The following STK39 variants were observed in gnomAD, a reference collection of about 807,000 sequenced individuals.
STK39 encodes the protein STE20/SPS1-related proline-alanine-rich protein kinase.
A neutral mutation model predicts 77.8 loss-of-function variants in STK39; 20 were observed. That is an observed-to-expected ratio of 0.26 (90% CI 0.18 to 0.37). STK39 has a LOEUF of 0.37. STK39 is among the 10% of genes least tolerant of loss of function. The pLI is 1.00. For synonymous variants in STK39, 246 were observed against 234.1 expected (o/e 1.05, Z -0.47); for missense variants, 479 against 656.5 (o/e 0.73, Z 2.95).
At chr2:168,143,864 C>G (rs1414298388) in intron 5 of STK39, among the ~76,000 whole-genome samples, 1 of 152,222 alleles carries the variant, frequency 6.6e-6, no homozygotes, top group African/African-American at 2.4e-5. Context: ...CTGATCCCAT[C>G]ACCTCCTTGG....
At chr2:168,118,181 C>G (rs1244805761) in intron 10 of STK39, among the ~76,000 whole-genome samples, 1 of 151,994 alleles carries the variant, frequency 6.6e-6, no homozygotes, top group African/African-American at 2.4e-5. Flanking sequence ...GGGAGCTTCT[C>G]TCAGCAAGTA....
At chr2:168,103,169 T>C (rs1318896883) in intron 10 of STK39, among the ~76,000 whole-genome samples, 1 of 152,170 alleles carries the variant, frequency 6.6e-6, no homozygotes, top group Non-Finnish European at 1.5e-5. Flanking sequence ...CATTCTGGAC[T>C]GCTGATGATG....
chr2:168,136,072 T>A (rs1048375524), intron 8 of STK39, among the ~76,000 whole-genome samples: 1 of 151,846 alleles, frequency 6.6e-6, no homozygotes, highest in Admixed American at 6.6e-5. Context: ...TCAAGATTAT[T>A]AAGAAATAAA....
At chr2:168,055,685 C>A (rs1685505485) in intron 14 of STK39, among the ~76,000 whole-genome samples, 1 of 152,202 alleles carries the variant, frequency 6.6e-6, no homozygotes, top group African/African-American at 2.4e-5. Context: ...AAAGTATGAA[C>A]AGCATCTAAT....
chr2:168,048,663 C>A (rs1305831850), intron 14 of STK39, among the ~76,000 whole-genome samples: 2 of 152,298 alleles, frequency 1.3e-5, no homozygotes, highest in South Asian at 2.1e-4. Context: ...AAACACTAAC[C>A]GAACCACTCA....
chr2:167,961,514 C>T (rs1320406503), intron 17 of STK39, among the ~76,000 whole-genome samples: 1 of 152,098 alleles, frequency 6.6e-6, no homozygotes, highest in Admixed American at 6.5e-5. Context: ...ACAAAACTGC[C>T]AAGTAGTCCA....
chr2:168,141,747 C>T (rs112692514), intron 5 of STK39, among the ~76,000 whole-genome samples: 3,136 of 152,290 alleles, frequency 0.021, 61 homozygotes, highest in African/African-American at 0.048. Flanking sequence ...CCCTGCAAAT[C>T]GCTCTCATAC....
chr2:168,169,531 G>T (rs1052575824), intron 2 of STK39, among the ~76,000 whole-genome samples: 4 of 152,058 alleles, frequency 2.6e-5, no homozygotes, highest in African/African-American at 9.7e-5. Flanking sequence ...TGAAGGCAAG[G>T]TTGAGTCAGT....
chr2:168,121,552 C>A (rs1223985038), intron 10 of STK39, among the ~76,000 whole-genome samples: 1 of 152,154 alleles, frequency 6.6e-6, no homozygotes, highest in African/African-American at 2.4e-5. Flanking sequence ...GAACTAACTA[C>A]TGTAATTATT....
chr2:168,020,971 A>G (rs1000306845), intron 14 of STK39, among the ~76,000 whole-genome samples: 3 of 152,186 alleles, frequency 2.0e-5, no homozygotes, highest in African/African-American at 7.2e-5. Context: ...TATGTGCTGT[A>G]TATGAGCAAT....
In STK39 at chr2:168,095,649, C is replaced by T. The variant is rs372115660; in HGVS notation, c.1090-20418G>A. Among the ~76,000 whole-genome samples, 314 of 88,270 alleles carry T rather than the reference C, an allele frequency of 3.6e-3. 1 individual carries two copies. Among genetic ancestry groups the T allele is most frequent in the African/African-American group, 0.012 (288 of 23,078 alleles). The allele number at this position is 88,270 out of a possible 152,430, so 57.9% of individuals were successfully genotyped here. ...TTTTTTTTTTTTTTTTTTTTTAAGACGGAGTCTTGCTCTGTCGCCCAGGCT... is the reference window on the plus strand; with the variant it reads ...TTTTTTTTTTTTTTTTTTTTTAAGATGGAGTCTTGCTCTGTCGCCCAGGCT... On this transcript the variant is annotated intron_variant, in intron 10 of 17. Coordinates refer to ENST00000355999, the MANE Select transcript of STK39 (RefSeq NM_013233.3).
intron 16 of STK39, among the ~76,000 whole-genome samples, chr2:168,004,567 C>T (rs912139566): frequency 1.2e-4 from 18 of 151,654 alleles, no homozygotes; most frequent in Middle Eastern, 3.2e-3. Flanking sequence ...CCCGTCTCTA[C>T]TAAAAATACA....
intron 10 of STK39, among the ~76,000 whole-genome samples, chr2:168,102,315 C>T (rs931399066): frequency 2.7e-4 from 41 of 152,208 alleles, no homozygotes; most frequent in African/African-American, 9.6e-4. Flanking sequence ...GCAACACTTG[C>T]TTTTGTCCAT....
At chr2:168,162,383 T>G (rs1436811463) in intron 4 of STK39, among the ~76,000 whole-genome samples, 1 of 152,010 alleles carries the variant, frequency 6.6e-6, no homozygotes, top group Non-Finnish European at 1.5e-5. Context: ...AAGAAATATT[T>G]TCTATGAAAT....
intron 12 of STK39, among the ~76,000 whole-genome samples, chr2:168,068,481 T>G (rs1243345168): frequency 1.3e-5 from 2 of 152,242 alleles, no homozygotes; most frequent in East Asian, 1.9e-4. Context: ...GGGAACAAAT[T>G]CTGGGGCTTA....
At chr2:168,047,028 A>T (rs920643374) in intron 14 of STK39, among the ~76,000 whole-genome samples, 1 of 151,422 alleles carries the variant, frequency 6.6e-6, no homozygotes, top group African/African-American at 2.4e-5. Context: ...AAAACAACTT[A>T]AAAAAAAAGG....
intron 1 of STK39, among the ~76,000 whole-genome samples, chr2:168,203,590 G>A (rs769837591): frequency 1.3e-5 from 2 of 152,194 alleles, no homozygotes; most frequent in African/African-American, 2.4e-5. Context: ...ACCAGCGTCA[G>A]AGATGAGTCT....
chr2:168,050,681 G>A (rs1194709047), intron 14 of STK39, among the ~76,000 whole-genome samples: 1 of 152,182 alleles, frequency 6.6e-6, no homozygotes, highest in African/African-American at 2.4e-5. Context: ...CTCCCCAAGG[G>A]CCTCCAGAAA....
chr2:168,181,145 T>C (rs2105628112), intron 2 of STK39, among the ~76,000 whole-genome samples: 1 of 152,328 alleles, frequency 6.6e-6, no homozygotes, highest in East Asian at 1.9e-4. Flanking sequence ...ATATTTGTAC[T>C]GGGATTAGTG....
Sources: gnomAD v4.1 joint callset for allele counts (sites outside exome capture counted in the v4.1 genomes callset) on GRCh38, gnomAD v4.1.1 for gene constraint, MANE v1.5 for transcripts, NCBI Gene and HGNC (gene_info 2026-07-23, HGNC 2026-07-21) for gene names.